Variants in NEDD4 observed in about 807,000 individuals in gnomAD.
The protein encoded by NEDD4 is NEDD4 E3 ubiquitin protein ligase.
NEDD4 carries 99 observed loss-of-function variants against 144.9 expected under a neutral mutation model. The observed-to-expected ratio is 0.68, with a 90% confidence interval of 0.58 to 0.81. NEDD4 has a LOEUF of 0.81. Ranked by LOEUF, NEDD4 falls within the 30% of genes least tolerant of loss-of-function variation. The pLI is 0.00. For synonymous variants in NEDD4, 318 were observed against 350.6 expected (o/e 0.91, Z 1.04); for missense variants, 985 against 1,065.9 (o/e 0.92, Z 1.06).
At chr15:55,911,080 T>TA (rs2036257457) in intron 5 of NEDD4, among the ~76,000 whole-genome samples, 1 of 122,608 alleles carries the variant, frequency 8.2e-6, no homozygotes, top group Non-Finnish European at 1.8e-5. Context: ...CTATTTACAG[T>TA]GGAGATTCTT....
chr15:55,836,686 C>T lies in NEDD4; in HGVS notation c.2262+1103G>A, dbSNP rs372323374. On this transcript the variant is annotated intron_variant, in intron 24 of 28. Coordinates refer to ENST00000435532, the MANE Select transcript of NEDD4 (RefSeq NM_006154.4). ...GACTGCACGTGCACGCCACCACGTC[C>T]GGCTAATTTTTTTGTATTTTTAGTA... Among the ~76,000 whole-genome samples the T allele has an allele frequency of 5.5e-4, 83 of 152,180 alleles. 1 individual carries two copies. Among genetic ancestry groups the T allele is most frequent in the East Asian group, 2.3e-3 (12 of 5,168 alleles).
At chr15:55,979,009 A>G (rs926154966) in intron 1 of NEDD4, among the ~76,000 whole-genome samples, 3 of 150,256 alleles carry the variant, frequency 2.0e-5, no homozygotes, top group African/African-American at 7.3e-5. Flanking sequence ...ATCTTTTGTT[A>G]TTCTTCATCC....
Position 55,840,646 on chromosome 15 carries a change from C to T in NEDD4, c.1920G>A (p.Arg640=), listed in dbSNP as rs1203710490. The change falls in exon 20 of 29, where the codon CGG becomes CGA. Residue 640 remains arginine, a synonymous_variant. Coordinates refer to ENST00000435532, the MANE Select transcript of NEDD4 (RefSeq NM_006154.4). ...DHLSYFKFIG[R]VAGMAVYHGK... ...CATGATAAACTGCCATTCCAGCTAC[C>T]CGACCAATAAACTTGAAGTAAGAGA... 1 of 1,614,012 alleles carries T rather than the reference C, an allele frequency of 6.2e-7. No homozygotes were observed. The highest frequency in any genetic ancestry group is 8.5e-7 in the Non-Finnish European group (1 of 1,179,988).
At chr15:55,936,630 C>T (rs2036894708) in intron 4 of NEDD4, among the ~76,000 whole-genome samples, 1 of 152,054 alleles carries the variant, frequency 6.6e-6, no homozygotes, top group Non-Finnish European at 1.5e-5. Flanking sequence ...AAAATATACA[C>T]AGAGCACCTG....
Position 55,917,277 on chromosome 15 carries a change from T to C in NEDD4, c.291+7369A>G, listed in dbSNP as rs575321409. The C allele has an allele frequency of 7.0e-5, 40 of 573,714 alleles. 1 individual carries two copies. In the South Asian group the frequency reaches 2.5e-3, roughly 36 times the overall value. The allele number at this position is 573,714 out of a possible 1,614,324, so 35.5% of individuals were successfully genotyped here. A position where few individuals can be genotyped will look rare whatever the true frequency, so the allele number is the denominator to read the frequency against. ...GCTCTACTAAATGAACATTTAACTATGTGAATCACAGTGCCTATACTTTCT... is the reference window on the plus strand; with the variant it reads ...GCTCTACTAAATGAACATTTAACTACGTGAATCACAGTGCCTATACTTTCT... On this transcript the variant is annotated intron_variant, in intron 5 of 28. Transcript: ENST00000435532.
chr15:55,845,106 A>T (rs2033685637), intron 18 of NEDD4, among the ~76,000 whole-genome samples: 1 of 152,126 alleles, frequency 6.6e-6, no homozygotes, highest in African/African-American at 2.4e-5. Context: ...TAATGTGAGA[A>T]TTCATATTCT....
chr15:55,948,827 G>C (rs1412554896), intron 4 of NEDD4, among the ~76,000 whole-genome samples: 1 of 152,160 alleles, frequency 6.6e-6, no homozygotes, highest in Non-Finnish European at 1.5e-5. Flanking sequence ...AGGCTTAAAC[G>C]TTAGACCTAA....
intron 4 of NEDD4, among the ~76,000 whole-genome samples, chr15:55,946,959 T>C (rs1306777009): frequency 6.6e-6 from 1 of 152,008 alleles, no homozygotes; most frequent in African/African-American, 2.4e-5. Flanking sequence ...TTGAAACCAA[T>C]GAGAACAAAG....
At chr15:55,854,337 G>A (rs1195493580) in intron 12 of NEDD4, among the ~76,000 whole-genome samples, 2 of 152,138 alleles carry the variant, frequency 1.3e-5, no homozygotes, top group Non-Finnish European at 2.9e-5. Context: ...CAGTTGTGAT[G>A]AGCTGATACA....
intron 27 of NEDD4, among the ~76,000 whole-genome samples, chr15:55,832,534 C>T (rs2033003669): frequency 6.6e-6 from 1 of 152,148 alleles, no homozygotes; most frequent in African/African-American, 2.4e-5. Context: ...CCTGCCTCAG[C>T]CTCCCAAGTA....
At chr15:55,838,650 C>A (rs745857869) in intron 21 of NEDD4, 46 bp from the exon 22 acceptor site, 6 of 1,314,022 alleles carry the variant, frequency 4.6e-6, no homozygotes, top group Non-Finnish European at 5.4e-6. Flanking sequence ...CTATAACACA[C>A]CTGAAATTGC....
intron 5 of NEDD4, among the ~76,000 whole-genome samples, chr15:55,894,606 A>T (rs2035681465): frequency 6.6e-6 from 1 of 152,180 alleles, no homozygotes. Context: ...CTACTTTCTA[A>T]ATCAGTTTCA....
chr15:55,984,825 A>C (rs1256465407), intron 1 of NEDD4, among the ~76,000 whole-genome samples: 2 of 152,260 alleles, frequency 1.3e-5, no homozygotes, highest in African/African-American at 4.8e-5. Context: ...TAGAAGTCCT[A>C]AAGAAGAAGT....
chr15:55,895,594 C>G (rs528608302), intron 5 of NEDD4, among the ~76,000 whole-genome samples: 1 of 152,312 alleles, frequency 6.6e-6, no homozygotes, highest in South Asian at 2.1e-4. Flanking sequence ...GTTAAAATCA[C>G]CTGATAGGCT....
At chr15:55,964,164 A>G (rs1160898141) in intron 2 of NEDD4, among the ~76,000 whole-genome samples, 3 of 149,804 alleles carry the variant, frequency 2.0e-5, no homozygotes, top group Non-Finnish European at 3.0e-5. Context: ...AAACTTGGCC[A>G]ATATTTCTTC....
chr15:55,924,208 A>G (rs1478574932), intron 5 of NEDD4, among the ~76,000 whole-genome samples: 2 of 151,986 alleles, frequency 1.3e-5, no homozygotes, highest in African/African-American at 4.8e-5. Flanking sequence ...TCTGTAGAAG[A>G]GTGGGGATGA....
At chr15:55,857,918 C>T (rs542796489) in intron 11 of NEDD4, among the ~76,000 whole-genome samples, 9 of 152,130 alleles carry the variant, frequency 5.9e-5, no homozygotes, top group African/African-American at 1.2e-4. Context: ...CCAGCCTGGG[C>T]GACAGAGTGA....
chr15:55,924,504 A>G (rs2036626560), intron 5 of NEDD4, 142 bp downstream of exon 5: 6 of 642,018 alleles, frequency 9.3e-6, no homozygotes, highest in Non-Finnish European at 1.4e-5. Context: ...AACAAATTCT[A>G]TCTCCCTCAC....
intron 7 of NEDD4, among the ~76,000 whole-genome samples, chr15:55,871,147 C>T (rs1347152684): frequency 6.6e-6 from 1 of 152,096 alleles, no homozygotes; most frequent in Non-Finnish European, 1.5e-5. Context: ...TTCCCAAGGC[C>T]GCTAATGTGG....
Sources: gnomAD v4.1 joint callset for allele counts (sites outside exome capture counted in the v4.1 genomes callset) on GRCh38, gnomAD v4.1.1 for gene constraint, MANE v1.5 for transcripts, NCBI Gene and HGNC (gene_info 2026-07-23, HGNC 2026-07-21) for gene names.